The following VPS13B variants were observed in gnomAD, a reference collection of about 807,000 sequenced individuals.
VPS13B encodes vacuolar protein sorting 13 homolog B, also known as intermembrane lipid transfer protein VPS13B.
VPS13B carries 285 observed loss-of-function variants against 426.4 expected under a neutral mutation model. The ratio of observed to expected loss-of-function variants is 0.67; its 90% CI spans 0.61 to 0.74. The LOEUF (loss-of-function observed/expected upper bound fraction) is 0.74, where lower values mean the gene tolerates loss of function less well. Among genes scored for constraint, VPS13B ranks in the 30% least tolerant of loss-of-function variants. VPS13B has a pLI of 0.00. For synonymous variants in VPS13B, 1,676 were observed against 1,676.4 expected (o/e 1.00, Z 0.01); for missense variants, 4,537 against 4,782.6 (o/e 0.95, Z 1.51).
chr8:99,798,190 A>AT (rs925226497), intron 43 of VPS13B, among the ~76,000 whole-genome samples: 6 of 149,328 alleles, frequency 4.0e-5, no homozygotes, highest in African/African-American at 1.5e-4. Context: ...CATCAACTGC[A>AT]TTTTTATTTC....
At chr8:99,024,198 C>T (rs181806453) in intron 2 of VPS13B, among the ~76,000 whole-genome samples, 8 of 152,172 alleles carry the variant, frequency 5.3e-5, no homozygotes, top group East Asian at 1.9e-4. Flanking sequence ...ATTTATGTGT[C>T]GCCTTTTGAG....
chr8:99,582,345 C>T (rs1021998784), intron 33 of VPS13B, among the ~76,000 whole-genome samples: 1 of 152,210 alleles, frequency 6.6e-6, no homozygotes, highest in Admixed American at 6.5e-5. Context: ...CAGTCAGCCA[C>T]TCTTTATAAG....
At chr8:99,684,520 T>C (rs1740670623) in intron 35 of VPS13B, among the ~76,000 whole-genome samples, 1 of 152,214 alleles carries the variant, frequency 6.6e-6, no homozygotes, top group Non-Finnish European at 1.5e-5. Context: ...CTGCCATTAG[T>C]CTAGGATAAG....
chr8:99,817,945 A>G (rs188813487), intron 45 of VPS13B, 142 bp downstream of exon 45: 3 of 1,274,050 alleles, frequency 2.4e-6, no homozygotes, highest in Non-Finnish European at 3.3e-6. Flanking sequence ...GTACTTCTCA[A>G]ACTGTTTCCT....
At chr8:99,840,001 T>C (rs1323559973) in intron 54 of VPS13B, among the ~76,000 whole-genome samples, 2 of 152,254 alleles carry the variant, frequency 1.3e-5, no homozygotes, top group African/African-American at 4.8e-5. Flanking sequence ...TGTTCCCTTA[T>C]CCAGGCCAAA....
intron 39 of VPS13B, among the ~76,000 whole-genome samples, chr8:99,721,549 AGT>A (rs1158340935): frequency 2.0e-5 from 3 of 151,606 alleles, no homozygotes; most frequent in Non-Finnish European, 4.4e-5. Context: ...GTTTTGTGAA[AGT>A]GTGTTGCTTG....
intron 19 of VPS13B, among the ~76,000 whole-genome samples, chr8:99,321,521 C>T (rs568234222): frequency 1.3e-5 from 2 of 151,922 alleles, no homozygotes; most frequent in East Asian, 1.9e-4. Flanking sequence ...TCCAAATTTT[C>T]GAATGTGCGT....
rs753620782 is a variant in VPS13B at position 99,817,587 on chromosome 8, C to T, written c.8145C>T (p.Ser2715=). The T allele has an allele frequency of 6.2e-7, 1 of 1,614,052 alleles. No individual in the cohort carries two copies. Among genetic ancestry groups the T allele is most frequent in the Non-Finnish European group, 8.5e-7 (1 of 1,179,974 alleles). ...TCATCTGTAGTTACTTGTCTCAAAGCATAGAACTAAAAGTCGTTCAGCATT... is the reference window on the plus strand; with the variant it reads ...TCATCTGTAGTTACTTGTCTCAAAGTATAGAACTAAAAGTCGTTCAGCATT... ...RQIICSYLSQ[S]IELKVVQHYI... is the part of the protein sequence containing the mutation. The change falls in exon 45 of 62, where the codon AGC becomes AGT. Residue 2715 remains serine (S), a synonymous_variant. Transcript: ENST00000357162.
At chr8:99,473,796 C>G in intron 24 of VPS13B, among the ~76,000 whole-genome samples, 1 of 152,174 alleles carries the variant, frequency 6.6e-6, no homozygotes, top group East Asian at 1.9e-4. Context: ...ACAAAACTCA[C>G]CAAGCTTTTA....
intron 17 of VPS13B, among the ~76,000 whole-genome samples, chr8:99,194,349 A>G (rs1354404349): frequency 1.3e-5 from 2 of 152,114 alleles, no homozygotes; most frequent in Admixed American, 6.5e-5. Flanking sequence ...TTTTGAATTG[A>G]ACTTACTGCT....
At chr8:99,716,661 AT>A (rs1282016309) in intron 36 of VPS13B, among the ~76,000 whole-genome samples, 2 of 152,218 alleles carry the variant, frequency 1.3e-5, no homozygotes, top group Non-Finnish European at 2.9e-5. Context: ...AGTGGTTATG[AT>A]GTGTGAAGTT....
chr8:99,637,083 A>T lies in VPS13B; in HGVS notation c.5221-4728A>T, dbSNP rs188746241. ...CAGATACTGCTATTTTTGACAACTT[A>T]AATTATTAGTCCCCTTGGACAATAA... On this transcript the variant is annotated intron_variant, in intron 33 of 61. Coordinates refer to ENST00000357162, the MANE Select transcript of VPS13B (RefSeq NM_152564.5). Among the ~76,000 whole-genome samples, 4 of 152,174 alleles carry T rather than the reference A, an allele frequency of 2.6e-5. No homozygotes were observed. In the East Asian group the frequency reaches 7.7e-4, roughly 29 times the overall value.
At chr8:99,313,345 TG>T (rs1372761918) in intron 19 of VPS13B, among the ~76,000 whole-genome samples, 3 of 152,190 alleles carry the variant, frequency 2.0e-5, no homozygotes. Context: ...TATGGGGTTT[TG>T]GTGTGGATGT....
intron 56 of VPS13B, among the ~76,000 whole-genome samples, chr8:99,856,493 C>T (rs925548658): frequency 6.6e-6 from 1 of 152,244 alleles, no homozygotes; most frequent in Non-Finnish European, 1.5e-5. Flanking sequence ...TCATGGAAAA[C>T]ACCCTGACCT....
chr8:99,341,406 C>A, intron 19 of VPS13B: 1 of 161,528 alleles, frequency 6.2e-6, no homozygotes, highest in Non-Finnish European at 1.4e-5. Flanking sequence ...AGTTCTTGCA[C>A]TTAAGTCTCT....
At chr8:99,666,610 C>T (rs549991914) in intron 35 of VPS13B, among the ~76,000 whole-genome samples, 8 of 152,068 alleles carry the variant, frequency 5.3e-5, no homozygotes, top group Non-Finnish European at 8.8e-5. Context: ...ATTCAACAAC[C>T]CTTCATGCTA....
chr8:99,664,538 A>G (rs889934010), intron 35 of VPS13B, among the ~76,000 whole-genome samples: 17 of 151,934 alleles, frequency 1.1e-4, no homozygotes, highest in African/African-American at 3.1e-4. Flanking sequence ...TCACTGTTCA[A>G]TTCCCACCTG....
At chr8:99,178,912 G>A (rs1304511540) in intron 16 of VPS13B, among the ~76,000 whole-genome samples, 2 of 152,110 alleles carry the variant, frequency 1.3e-5, no homozygotes, top group Non-Finnish European at 2.9e-5. Flanking sequence ...GTGAGCCACT[G>A]CGCCCGCCCT....
In VPS13B at chr8:99,835,326, T is replaced by C. The variant is rs1434569440; in HGVS notation, c.9742+2T>C. 1 of 1,607,788 alleles carries C rather than the reference T, an allele frequency of 6.2e-7. No individual in the cohort carries two copies. Among genetic ancestry groups the C allele is most frequent in the African/African-American group, 1.3e-5 (1 of 74,792 alleles). ...TGCTTATAAAGGAAAACATTAAAGG[T>C]ATGTTTTATACTATCGAATTTAGAT... On this transcript the variant is annotated splice_donor_variant, in intron 53 of 61. Transcript: ENST00000357162. LOFTEE classifies it high-confidence loss of function.
Sources: allele counts gnomAD v4.1 joint callset (sites outside exome capture counted in the v4.1 genomes callset), GRCh38; gene constraint gnomAD v4.1.1; transcripts MANE v1.5; gene names NCBI Gene and HGNC (gene_info 2026-07-23, HGNC 2026-07-21).